The following ASPSCR1 variants were observed in gnomAD, a reference collection of about 807,000 sequenced individuals.
ASPSCR1 encodes tether containing UBX domain for GLUT4.
In ASPSCR1, 55 loss-of-function variants were observed where a neutral mutation model predicts 68.9. The ratio of observed to expected loss-of-function variants is 0.80; its 90% CI spans 0.64 to 1.00. ASPSCR1 has a LOEUF of 1.00. ASPSCR1 is among the 50% of genes least tolerant of loss of function. ASPSCR1 has a pLI of 0.00. For synonymous variants in ASPSCR1, 352 were observed against 332.6 expected (o/e 1.06, Z -0.63); for missense variants, 765 against 762.2 (o/e 1.00, Z -0.04).
intron 7 of ASPSCR1, among the ~76,000 whole-genome samples, chr17:82,002,680 A>G (rs1156595553): frequency 6.6e-6 from 1 of 151,828 alleles, no homozygotes; most frequent in East Asian, 1.9e-4. Context: ...CTGCTGCCTC[A>G]GCCTCCTGAG....
chr17:81,992,065 T>C (rs551258410), intron 4 of ASPSCR1, among the ~76,000 whole-genome samples: 1 of 151,522 alleles, frequency 6.6e-6, no homozygotes, highest in African/African-American at 2.4e-5. Context: ...GGCTGGAGAG[T>C]GTGTGAGAGT....
intron 7 of ASPSCR1, chr17:82,004,936 G>C (rs1218150669): frequency 6.6e-6 from 1 of 152,338 alleles, no homozygotes; most frequent in African/African-American, 2.4e-5. Context: ...TCCTGAACCT[G>C]TCTGGAAGAG....
intron 2 of ASPSCR1, chr17:81,982,696 G>A (rs1302085691): frequency 6.6e-6 from 1 of 152,186 alleles, no homozygotes; most frequent in African/African-American, 2.4e-5. Context: ...ACCACTTTGA[G>A]TATATTCAGA....
At position 81,994,816 on chromosome 17, in the gene ASPSCR1, C is replaced by T. The variant is rs2042282132; in HGVS notation, c.375-5C>T. On this transcript the variant is annotated splice_region_variant and splice_polypyrimidine_tract_variant and intron_variant, in intron 4 of 15. Coordinates refer to ENST00000306739, the MANE Select transcript of ASPSCR1 (RefSeq NM_024083.4). Reference sequence around the variant, plus strand: ...TACCTGATGGTTTCTTTCCTCTCCTCCCAGGGAGTGCCTGCAGCACCCCGG... The same window carrying T: ...TACCTGATGGTTTCTTTCCTCTCCTTCCAGGGAGTGCCTGCAGCACCCCGG... 1.9e-6 allele frequency: 3 copies of T among 1,613,254 alleles called. No homozygotes were observed. The highest frequency in any genetic ancestry group is 1.7e-6 in the Non-Finnish European group (2 of 1,179,910).
chr17:82,000,222 G>A (rs1035898831), intron 7 of ASPSCR1, among the ~76,000 whole-genome samples: 4 of 152,384 alleles, frequency 2.6e-5, no homozygotes, highest in African/African-American at 9.6e-5. Context: ...CCGTGACCAG[G>A]GCGGGTCTTG....
At position 81,990,703 on chromosome 17, in the gene ASPSCR1, A is replaced by G. The variant is rs375330067; in HGVS notation, c.375-4118A>G. On this transcript the variant is annotated intron_variant, in intron 4 of 15. Coordinates refer to ENST00000306739, the MANE Select transcript of ASPSCR1 (RefSeq NM_024083.4). The surrounding 1 kb of genome is among the most constrained non-coding windows in gnomAD (Gnocchi z 4.1). ...GATGGAAATGAGGATTTCATGGCCT[A>G]CGGGCCCTGGGGGTACACGGCCCTC... 6.6e-6 allele frequency among the ~76,000 whole-genome samples: 1 copy of G among 152,186 alleles called. No individual in the cohort carries two copies. Among genetic ancestry groups the G allele is most frequent in the South Asian group, 2.1e-4 (1 of 4,836 alleles).
At chr17:81,992,846 C>T (rs1267983842) in intron 4 of ASPSCR1, among the ~76,000 whole-genome samples, 1 of 152,222 alleles carries the variant, frequency 6.6e-6, no homozygotes, top group Non-Finnish European at 1.5e-5. Flanking sequence ...CCAGCCTGTG[C>T]GCAGAGGACA....
At chr17:82,016,052 A>G in intron 12 of ASPSCR1, 1 of 192,596 alleles carries the variant, frequency 5.2e-6, no homozygotes, top group South Asian at 1.3e-4. Flanking sequence ...AGCAGCCTGG[A>G]GCCGGGAGGG....
chr17:81,994,421 C>T (rs930350519), intron 4 of ASPSCR1, among the ~76,000 whole-genome samples: 3 of 152,222 alleles, frequency 2.0e-5, no homozygotes, highest in East Asian at 3.9e-4. Context: ...AAAGCCCAGA[C>T]GTCGGTACCC....
At position 81,987,696 on chromosome 17, in the gene ASPSCR1, G is replaced by A. The variant is rs1465988068; in HGVS notation, c.374+2089G>A. 6.6e-6 allele frequency among the ~76,000 whole-genome samples: 1 copy of A among 152,120 alleles called. No individual in the cohort carries two copies. The highest frequency in any genetic ancestry group is 1.5e-5 in the Non-Finnish European group (1 of 68,030). Reference sequence around the variant, plus strand: ...TGAAACTTAGTTTAAGAAACAACAGGCTTGGCCAGGCGTGGTGGTTCTGGA... The same window carrying A: ...TGAAACTTAGTTTAAGAAACAACAGACTTGGCCAGGCGTGGTGGTTCTGGA... On this transcript the variant is annotated intron_variant, in intron 4 of 15. Transcript: ENST00000306739. The surrounding 1 kb of genome is among the most constrained non-coding windows in gnomAD (Gnocchi z 5.6).
intron 4 of ASPSCR1, among the ~76,000 whole-genome samples, chr17:81,991,609 CTGTCCATCCT>C (rs1373309962): frequency 6.6e-6 from 1 of 152,198 alleles, no homozygotes; most frequent in Non-Finnish European, 1.5e-5. Context: ...CTGTCCATCC[CTGTCCATCCT>C]TGTCCATCCC....
chr17:82,001,330 C>T (rs998682871), intron 7 of ASPSCR1, among the ~76,000 whole-genome samples: 15 of 152,178 alleles, frequency 9.9e-5, no homozygotes, highest in Admixed American at 7.8e-4. Context: ...ACATCCGACG[C>T]GGTGCAGACT....
intron 12 of ASPSCR1, chr17:82,014,316 G>C (rs1014215948): frequency 1.3e-5 from 2 of 152,658 alleles, no homozygotes; most frequent in Non-Finnish European, 2.9e-5. Context: ...CACCCACCAG[G>C]CCCTACCCCA....
rs1371529365 is a variant in ASPSCR1, at chr17:81,990,963, C to T, written c.375-3858C>T. On this transcript the variant is annotated intron_variant, in intron 4 of 15. Transcript: ENST00000306739. The surrounding 1 kb of genome is among the most constrained non-coding windows in gnomAD (Gnocchi z 4.1). ...TTTGAATCCCACGTCCCGTAAGGAC[C>T]TAGTTGCCAAGTGGTGAAAGGCAGG... 1.3e-5 allele frequency among the ~76,000 whole-genome samples: 2 copies of T among 152,080 alleles called. No homozygotes were observed. Among genetic ancestry groups the T allele is most frequent in the Non-Finnish European group, 2.9e-5 (2 of 68,008 alleles).
At chr17:81,994,943 T>A in intron 5 of ASPSCR1, 65 bp downstream of exon 5, 3 of 1,508,904 alleles carry the variant, frequency 2.0e-6, no homozygotes, top group Non-Finnish European at 2.7e-6. Context: ...AACTGGAAAA[T>A]CTGCTGTCCC....
chr17:82,009,303 G>T, intron 8 of ASPSCR1, 112 bp downstream of exon 8: 1 of 1,439,812 alleles, frequency 6.9e-7, no homozygotes, highest in South Asian at 1.4e-5. Context: ...CCAGGTCCCT[G>T]ACAGGCTGCC....
rs765295747 is a variant in ASPSCR1, at chr17:81,983,603, C to G, written c.208C>G (p.Leu70Val). ...DLSLQWRFAN[L>V]PNNAKLEMVP... ...TTCTCTCCAGTGGAGATTTGCCAAC[C>G]TGCCCAACAATGCCAAGCTGGAGAT... The change falls in exon 3 of 16, where the codon CTG (leucine) becomes GTG (valine). Residue 70 changes from leucine to valine, a missense_variant. Transcript: ENST00000306739. This position sits in a 1 kb window ranked among gnomAD's most constrained non-coding sequence, Gnocchi z 4.4. 1.1e-5 allele frequency: 18 copies of G among 1,613,648 alleles called. No homozygotes were observed. Among genetic ancestry groups the G allele is most frequent in the African/African-American group, 6.7e-5 (5 of 74,844 alleles).
intron 1 of ASPSCR1, chr17:81,978,681 C>T: frequency 6.3e-6 from 1 of 158,064 alleles, no homozygotes; most frequent in East Asian, 1.9e-4. Context: ...CTGTTGGTGC[C>T]AGGCGTGCAG....
intron 1 of ASPSCR1, 24 bp from the exon 2 acceptor site, chr17:81,979,160 A>T: frequency 6.2e-7 from 1 of 1,613,564 alleles, no homozygotes; most frequent in Non-Finnish European, 8.5e-7. Flanking sequence ...TCAGCAGTTC[A>T]CCATCCTTTC....
Sources: gnomAD v4.1 joint callset for allele counts (sites outside exome capture counted in the v4.1 genomes callset) on GRCh38, gnomAD v4.1.1 for gene constraint, Gnocchi (gnomAD v3.1) non-coding constraint, MANE v1.5 for transcripts, NCBI Gene and HGNC (gene_info 2026-07-23, HGNC 2026-07-21) for gene names.